The following SDCCAG8 variants were observed in gnomAD, a reference collection of about 807,000 sequenced individuals.
SDCCAG8 encodes the protein serologically defined colon cancer antigen 8.
SDCCAG8 carries 74 observed loss-of-function variants against 101.8 expected under a neutral mutation model. The observed-to-expected ratio is 0.73, with a 90% CI of 0.60 to 0.88. The LOEUF (loss-of-function observed/expected upper bound fraction) is 0.88, where lower values mean the gene tolerates loss of function less well. SDCCAG8 is among the 40% of genes least tolerant of loss of function. The pLI, the probability that SDCCAG8 is intolerant of heterozygous loss-of-function variation, is 0.00. For synonymous variants in SDCCAG8, 281 were observed against 292.9 expected, an observed-to-expected ratio of 0.96 and a Z score of 0.41; for missense variants, 787 against 822.6, an observed-to-expected ratio of 0.96 and a Z score of 0.53.
Position 243,474,977 on chromosome 1 carries a change from C to T in SDCCAG8, c.1986-14037C>T, listed in dbSNP as rs1186428839. 6.6e-6 allele frequency among the ~76,000 whole-genome samples: 1 copy of T among 152,154 alleles called. No homozygotes were observed. Among genetic ancestry groups the T allele is most frequent in the Non-Finnish European group, 1.5e-5 (1 of 68,030 alleles). ...AGGGATGACTTAGTAATAGGGTACC[C>T]CATTGCCATGTGGGTCAGGGATTGG... On this transcript the variant is annotated intron_variant, in intron 16 of 17. Transcript: ENST00000366541. This position sits in a 1 kb window ranked among gnomAD's most constrained non-coding sequence, Gnocchi z 4.7.
intron 11 of SDCCAG8, among the ~76,000 whole-genome samples, chr1:243,343,326 T>C (rs1573439504): frequency 6.6e-6 from 1 of 152,236 alleles, no homozygotes; most frequent in Admixed American, 6.5e-5. Flanking sequence ...TGTACATTAA[T>C]TGAACTTTCT....
chr1:243,471,422 G>A (rs1661242255), intron 16 of SDCCAG8, among the ~76,000 whole-genome samples: 2 of 151,906 alleles, frequency 1.3e-5, no homozygotes, highest in Admixed American at 6.6e-5. Flanking sequence ...AACTTATTAC[G>A]CTCGTGGGTT....
chr1:243,360,785 G>A (rs1242920391), intron 12 of SDCCAG8, among the ~76,000 whole-genome samples: 1 of 152,006 alleles, frequency 6.6e-6, no homozygotes, highest in African/African-American at 2.4e-5. Context: ...TTGCGCCACT[G>A]CACTCCAGCC....
At chr1:243,495,802 C>T (rs576454418) in intron 17 of SDCCAG8, among the ~76,000 whole-genome samples, 1 of 152,308 alleles carries the variant, frequency 6.6e-6, no homozygotes, top group African/African-American at 2.4e-5. Flanking sequence ...GCTCACGTGG[C>T]TTATTTCATC....
intron 16 of SDCCAG8, among the ~76,000 whole-genome samples, chr1:243,479,412 C>T (rs891773056): frequency 9.2e-5 from 14 of 152,258 alleles, no homozygotes; most frequent in African/African-American, 2.6e-4. Flanking sequence ...GCTACTCGGC[C>T]GTTATGGTGC....
At chr1:243,267,977 ACTTCT>A in intron 1 of SDCCAG8, 1 of 726,794 alleles carries the variant, frequency 1.4e-6, no homozygotes, top group East Asian at 2.7e-5. Flanking sequence ...GTGTTGCGGA[ACTTCT>A]CTTTCCTTTA....
chr1:243,386,210 G>A (rs1398216932), intron 13 of SDCCAG8, among the ~76,000 whole-genome samples: 2 of 152,152 alleles, frequency 1.3e-5, no homozygotes, highest in Non-Finnish European at 2.9e-5. Flanking sequence ...CACAGAGAAG[G>A]AAAGGAGTCT....
chr1:243,355,463 A>G (rs2076332255), intron 12 of SDCCAG8, among the ~76,000 whole-genome samples: 1 of 152,206 alleles, frequency 6.6e-6, no homozygotes, highest in East Asian at 1.9e-4. Flanking sequence ...ATATCTTTAA[A>G]GAAAGTGTGG....
chr1:243,307,867 G>T, intron 7 of SDCCAG8, 122 bp from the exon 8 acceptor site: 1 of 1,547,280 alleles, frequency 6.5e-7, no homozygotes, highest in African/African-American at 1.4e-5. Context: ...GGTATTGGAC[G>T]TAAACTAAAG....
intron 6 of SDCCAG8, among the ~76,000 whole-genome samples, chr1:243,296,509 TC>T (rs2070893495): frequency 7.2e-6 from 1 of 138,832 alleles, no homozygotes; most frequent in Admixed American, 7.4e-5. Flanking sequence ...TTGAGCTTCG[TC>T]CCCCTGTAGT....
chr1:243,389,110 G>A (rs756707656), intron 13 of SDCCAG8, among the ~76,000 whole-genome samples: 22 of 151,600 alleles, frequency 1.5e-4, no homozygotes, highest in Admixed American at 4.6e-4. Context: ...GATTGCCATC[G>A]CACTCCAGCC....
At chr1:243,449,579 C>A (rs950027283) in intron 16 of SDCCAG8, among the ~76,000 whole-genome samples, 3 of 152,178 alleles carry the variant, frequency 2.0e-5, no homozygotes, top group African/African-American at 7.2e-5. Flanking sequence ...TTGTTCAAAC[C>A]AAATATACTT....
chr1:243,304,683 A>G, intron 6 of SDCCAG8, 30 bp from the exon 7 acceptor site: 1 of 1,249,056 alleles, frequency 8.0e-7, no homozygotes, highest in South Asian at 1.2e-5. Flanking sequence ...GACATAGAGA[A>G]AAATGTACTT....
In SDCCAG8 at chr1:243,330,161, A is replaced by G. The variant is rs185329153; in HGVS notation, c.1069-379A>G. Among the ~76,000 whole-genome samples, 3 of 152,324 alleles carry G rather than the reference A, an allele frequency of 2.0e-5. No homozygotes were observed. In the East Asian group the frequency reaches 5.8e-4, roughly 29 times the overall value. On this transcript the variant is annotated intron_variant, in intron 9 of 17. Coordinates refer to ENST00000366541, the MANE Select transcript of SDCCAG8 (RefSeq NM_006642.5). ...ATTTTTATCCATGAGCAAATAAGAAATCAGTTAAATTGGATACTTACGTAT... is the reference window on the plus strand; with the variant it reads ...ATTTTTATCCATGAGCAAATAAGAAGTCAGTTAAATTGGATACTTACGTAT...
chr1:243,265,226 GTA>G lies in SDCCAG8; in HGVS notation c.68-4878_68-4877del, dbSNP rs2067494804. On this transcript the variant is annotated intron_variant, in intron 1 of 17. Coordinates refer to ENST00000366541, the MANE Select transcript of SDCCAG8 (RefSeq NM_006642.5). ...AAAAGCACTTAGCATGTTTTGAAAT[GTA>G]GCGTTGAAATGACTTTAAAATGTCA... Among the ~76,000 whole-genome samples the G allele has an allele frequency of 2.6e-5, 4 of 152,334 alleles. No individual in the cohort carries two copies. The South Asian group carries it at 8.3e-4, about 32-fold the overall frequency.
chr1:243,427,798 A>C (rs2081441252), intron 16 of SDCCAG8, among the ~76,000 whole-genome samples: 1 of 152,318 alleles, frequency 6.6e-6, no homozygotes, highest in African/African-American at 2.4e-5. Flanking sequence ...ATATACTTGC[A>C]AAGTAATAAT....
intron 9 of SDCCAG8, among the ~76,000 whole-genome samples, chr1:243,319,046 G>A (rs2073517490): frequency 6.6e-6 from 1 of 152,134 alleles, no homozygotes; most frequent in African/African-American, 2.4e-5. Context: ...ATTTCACTCT[G>A]ACAGCAGGCA....
Position 243,306,760 on chromosome 1 carries a change from A to G in SDCCAG8, c.741-1229A>G, listed in dbSNP as rs553958212. Among the ~76,000 whole-genome samples, 6 of 152,252 alleles carry G rather than the reference A, an allele frequency of 3.9e-5. 1 individual carries two copies. Among genetic ancestry groups the G allele is most frequent in the Non-Finnish European group, 8.8e-5 (6 of 68,014 alleles). On this transcript the variant is annotated intron_variant, in intron 7 of 17. Coordinates refer to ENST00000366541, the MANE Select transcript of SDCCAG8 (RefSeq NM_006642.5). ...ATCTTGGTGTTATTATTTTGGGGAT[A>G]GGGTAGACGCAGCTCATTTTTCTTC...
intron 16 of SDCCAG8, among the ~76,000 whole-genome samples, chr1:243,469,830 G>GTTTTTTTT (rs746906257): frequency 5.7e-5 from 7 of 123,522 alleles, no homozygotes; most frequent in African/African-American, 1.3e-4. Flanking sequence ...GAAAGTGTTG[G>GTTTTTTTT]TTTTTTTTTT....
Sources: gnomAD v4.1 joint callset for allele counts (sites outside exome capture counted in the v4.1 genomes callset) on GRCh38, gnomAD v4.1.1 for gene constraint, Gnocchi (gnomAD v3.1) non-coding constraint, MANE v1.5 for transcripts, NCBI Gene and HGNC (gene_info 2026-07-23, HGNC 2026-07-21) for gene names.